The following BRINP3 variants were observed in gnomAD, a reference collection of about 807,000 sequenced individuals.
The protein encoded by BRINP3 is BMP/retinoic acid inducible neural specific 3.
In BRINP3, 19 loss-of-function variants were observed where a neutral mutation model predicts 71.0. The ratio of observed to expected loss-of-function variants is 0.27; its 90% CI spans 0.19 to 0.39. The LOEUF is 0.39. Among genes scored for constraint, BRINP3 ranks in the 10% least tolerant of loss-of-function variants. BRINP3 has a pLI of 1.00. For missense variants in BRINP3, 959 were observed against 940.8 expected (o/e 1.02, Z -0.25); for synonymous variants, 380 against 337.7 (o/e 1.13, Z -1.37).
chr1:190,233,212 G>A (rs987441497), intron 5 of BRINP3, among the ~76,000 whole-genome samples: 2 of 152,012 alleles, frequency 1.3e-5, no homozygotes, highest in South Asian at 2.1e-4. Flanking sequence ...GTGCGGTGTG[G>A]ACAGCGATGT....
intron 2 of BRINP3, among the ~76,000 whole-genome samples, chr1:190,399,482 T>C (rs577108858): frequency 2.0e-5 from 3 of 152,082 alleles, no homozygotes; most frequent in South Asian, 4.1e-4. Context: ...ATTTTTATAA[T>C]GTACATAAAT....
At chr1:190,428,587 A>G (rs899712804) in intron 2 of BRINP3, among the ~76,000 whole-genome samples, 2 of 152,026 alleles carry the variant, frequency 1.3e-5, no homozygotes, top group African/African-American at 4.8e-5. Context: ...CACCCACCAA[A>G]AATTATTCTT....
chr1:190,151,175 T>G lies in BRINP3; in HGVS notation c.1184+9493A>C, dbSNP rs980291974. On this transcript the variant is annotated intron_variant, in intron 7 of 7. Coordinates refer to ENST00000367462, the MANE Select transcript of BRINP3 (RefSeq NM_199051.3). ...AAAAAAGAAAAAAGAAAAAATGATG[T>G]TCAGATTCCTATTTATTTGGCAGTT... 4.6e-5 allele frequency among the ~76,000 whole-genome samples: 7 copies of G among 152,006 alleles called. 1 individual carries two copies. Among genetic ancestry groups the G allele is most frequent in the African/African-American group, 1.7e-4 (7 of 41,418 alleles).
At chr1:190,129,080 T>C (rs955854267) in intron 7 of BRINP3, among the ~76,000 whole-genome samples, 1 of 151,856 alleles carries the variant, frequency 6.6e-6, no homozygotes, top group East Asian at 1.9e-4. Context: ...TTTTTATTTA[T>C]ACATATCTCC....
intron 7 of BRINP3, among the ~76,000 whole-genome samples, chr1:190,141,399 T>C (rs1167332266): frequency 6.6e-6 from 1 of 152,048 alleles, no homozygotes; most frequent in Non-Finnish European, 1.5e-5. Context: ...TGTTTGTTTG[T>C]CTGCAGTGTA....
chr1:190,437,076 G>T (rs751878881), intron 2 of BRINP3, among the ~76,000 whole-genome samples: 22 of 151,500 alleles, frequency 1.5e-4, no homozygotes, highest in Non-Finnish European at 2.4e-4. Flanking sequence ...GTTTAAACTG[G>T]CTACTTCTTT....
intron 7 of BRINP3, among the ~76,000 whole-genome samples, chr1:190,122,574 G>C (rs1653759078): frequency 7.0e-6 from 1 of 141,904 alleles, no homozygotes; most frequent in Non-Finnish European, 1.5e-5. Context: ...AGAGGGTAAA[G>C]TGGGGTGGGG....
intron 7 of BRINP3, among the ~76,000 whole-genome samples, chr1:190,100,732 G>GA (rs1270749150): frequency 3.3e-5 from 5 of 151,898 alleles, no homozygotes; most frequent in African/African-American, 1.2e-4. Flanking sequence ...CAGAATAAAA[G>GA]AAAAAAATAA....
chr1:190,373,299 A>C (rs1669977835), intron 2 of BRINP3, among the ~76,000 whole-genome samples: 1 of 151,998 alleles, frequency 6.6e-6, no homozygotes, highest in Non-Finnish European at 1.5e-5. Context: ...CTTAGGCAGG[A>C]GAATCTCTTG....
chr1:190,296,340 C>T (rs562613278), intron 2 of BRINP3, among the ~76,000 whole-genome samples: 90 of 151,804 alleles, frequency 5.9e-4, no homozygotes, highest in Middle Eastern at 3.4e-3. Flanking sequence ...TCTCAATAGA[C>T]GCAGATAAAG....
intron 4 of BRINP3, among the ~76,000 whole-genome samples, chr1:190,235,531 GTT>G (rs1190065435): frequency 6.6e-6 from 1 of 151,916 alleles, no homozygotes; most frequent in African/African-American, 2.4e-5. Context: ...CTTAGAGCCT[GTT>G]ATAGGACAAG....
intron 6 of BRINP3, among the ~76,000 whole-genome samples, chr1:190,218,534 CTAAT>C (rs1178553740): frequency 2.0e-5 from 3 of 152,008 alleles, no homozygotes; most frequent in Non-Finnish European, 4.4e-5. Flanking sequence ...GTAATTCAAA[CTAAT>C]TAACATATCT....
At chr1:190,259,530 G>T (rs1381473279) in intron 4 of BRINP3, among the ~76,000 whole-genome samples, 1 of 150,738 alleles carries the variant, frequency 6.6e-6, no homozygotes, top group Non-Finnish European at 1.5e-5. Flanking sequence ...TAACATCCTA[G>T]ATAATAATGA....
intron 4 of BRINP3, among the ~76,000 whole-genome samples, chr1:190,238,504 A>T (rs1178724394): frequency 2.6e-5 from 4 of 152,110 alleles, no homozygotes; most frequent in Non-Finnish European, 5.9e-5. Context: ...TTGACAAAAA[A>T]GATATATAAA....
At chr1:190,326,558 CA>C (rs1423448387) in intron 2 of BRINP3, among the ~76,000 whole-genome samples, 2 of 151,914 alleles carry the variant, frequency 1.3e-5, no homozygotes, top group Non-Finnish European at 2.9e-5. Flanking sequence ...AAAGTAAGGC[CA>C]GATCACATAT....
At chr1:190,156,777 G>A (rs1205401036) in intron 7 of BRINP3, among the ~76,000 whole-genome samples, 1 of 151,936 alleles carries the variant, frequency 6.6e-6, no homozygotes, top group Non-Finnish European at 1.5e-5. Flanking sequence ...TAATTTAGAA[G>A]TTTTGGAAAA....
At chr1:190,382,304 A>C (rs1429029552) in intron 2 of BRINP3, among the ~76,000 whole-genome samples, 1 of 152,112 alleles carries the variant, frequency 6.6e-6, no homozygotes. Context: ...TCTTTGTCAC[A>C]CAACTGGGAT....
At chr1:190,380,149 C>T (rs1374575351) in intron 2 of BRINP3, among the ~76,000 whole-genome samples, 5 of 151,940 alleles carry the variant, frequency 3.3e-5, no homozygotes, top group Non-Finnish European at 7.4e-5. Flanking sequence ...TAACAATAGT[C>T]CAGGTCAAAT....
intron 2 of BRINP3, among the ~76,000 whole-genome samples, chr1:190,431,513 T>C (rs1674099211): frequency 1.3e-5 from 2 of 151,960 alleles, no homozygotes; most frequent in South Asian, 2.1e-4. Flanking sequence ...TGCACTTCCA[T>C]GCCCAGATAA....
Sources: allele counts gnomAD v4.1 joint callset (sites outside exome capture counted in the v4.1 genomes callset), GRCh38; gene constraint gnomAD v4.1.1; transcripts MANE v1.5; gene names NCBI Gene and HGNC (gene_info 2026-07-23, HGNC 2026-07-21).